SCYL3: variants seen among roughly 807,000 people sequenced by gnomAD.
SCYL3 encodes the protein SCY1 like pseudokinase 3.
In SCYL3, 35 loss-of-function variants were observed where a neutral mutation model predicts 73.8. The ratio of observed to expected loss-of-function variants is 0.47; its 90% CI spans 0.36 to 0.63. SCYL3 has a LOEUF of 0.63. Ranked by LOEUF, SCYL3 falls within the 20% of genes least tolerant of loss-of-function variation. The pLI is 0.00. For synonymous variants in SCYL3, 277 were observed against 295.2 expected, an observed-to-expected ratio of 0.94 and a Z score of 0.63; for missense variants, 712 against 798.9, an observed-to-expected ratio of 0.89 and a Z score of 1.31.
chr1:169,861,899 T>TA (rs1327708162), intron 10 of SCYL3, among the ~76,000 whole-genome samples: 3 of 152,112 alleles, frequency 2.0e-5, no homozygotes, highest in Non-Finnish European at 4.4e-5. Context: ...AGAGGCCATG[T>TA]AAAGACAGAC....
chr1:169,886,219 G>C (rs1661679059), intron 2 of SCYL3, among the ~76,000 whole-genome samples: 1 of 152,064 alleles, frequency 6.6e-6, no homozygotes, highest in Admixed American at 6.6e-5. Context: ...GCTGAGGCAG[G>C]AGAATCACTT....
chr1:169,882,575 G>T (rs913962508), intron 2 of SCYL3, among the ~76,000 whole-genome samples: 7 of 152,226 alleles, frequency 4.6e-5, no homozygotes, highest in Admixed American at 3.3e-4. Context: ...CTGGGCTCCT[G>T]AGTCTGGTGG....
At chr1:169,872,886 AG>A (rs1388433443) in intron 5 of SCYL3, among the ~76,000 whole-genome samples, 9 of 152,174 alleles carry the variant, frequency 5.9e-5, no homozygotes, top group Non-Finnish European at 1.3e-4. Flanking sequence ...CATTGTATCT[AG>A]GAAGTAACTA....
At chr1:169,855,960 G>T in intron 11 of SCYL3, 1 of 1,607,840 alleles carries the variant, frequency 6.2e-7, no homozygotes, top group Non-Finnish European at 8.5e-7. Context: ...AGGAGAATCT[G>T]AAGGTAAATA....
intron 11 of SCYL3, chr1:169,855,930 T>C: frequency 6.2e-7 from 1 of 1,613,852 alleles, no homozygotes; most frequent in South Asian, 1.1e-5. Flanking sequence ...CTGACTGTGA[T>C]GGCTGCAGAC....
chr1:169,890,193 T>C (rs531731498), intron 1 of SCYL3, among the ~76,000 whole-genome samples: 2 of 152,350 alleles, frequency 1.3e-5, no homozygotes, highest in East Asian at 1.9e-4. Context: ...ATGCCACTTA[T>C]CGTGAGGAAC....
At chr1:169,874,930 G>A (rs1043753429) in intron 4 of SCYL3, among the ~76,000 whole-genome samples, 4 of 152,068 alleles carry the variant, frequency 2.6e-5, no homozygotes, top group Non-Finnish European at 5.9e-5. Flanking sequence ...CCGTTTCCCA[G>A]CACTCCCCAG....
chr1:169,877,440 G>A (rs1258927252), intron 3 of SCYL3, among the ~76,000 whole-genome samples: 3 of 152,202 alleles, frequency 2.0e-5, no homozygotes, highest in Non-Finnish European at 4.4e-5. Context: ...TTACAGGTGT[G>A]AGCCACTGCG....
Position 169,866,214 on chromosome 1 carries a change from T to G in SCYL3, c.815+682A>C, listed in dbSNP as rs191647193. ...TGATAATCACTAAGGCTTCTCAGCT[T>G]TATCTTTTTAAATGTTTATCTTAGT... On this transcript the variant is annotated intron_variant, in intron 8 of 12. Transcript: ENST00000367771. Among the ~76,000 whole-genome samples, 9 of 152,334 alleles carry G rather than the reference T, an allele frequency of 5.9e-5. No homozygotes were observed. In the East Asian group the frequency reaches 1.7e-3, roughly 29 times the overall value.
Position 169,853,511 on chromosome 1 carries a change from C to T in SCYL3, c.*202G>A. On this transcript the variant is annotated 3_prime_UTR_variant, in exon 13 of 13. Coordinates refer to ENST00000367771, the MANE Select transcript of SCYL3 (RefSeq NM_020423.7). ...AGGCTCTTCCTCCTGGAAACCAGTA[C>T]TGTGAGCCTCACCACCCAGGGCTTT... The T allele has an allele frequency of 1.8e-6, 1 of 567,636 alleles. No individual in the cohort carries two copies. Among genetic ancestry groups the T allele is most frequent in the South Asian group, 2.5e-5 (1 of 40,260 alleles). 35.2% of individuals were successfully genotyped at this position (567,636 alleles called of 1,614,324 possible).
upstream of SCYL3, chr1:169,894,009 G>A (rs910554856): frequency 7.2e-5 from 11 of 152,340 alleles, no homozygotes; most frequent in African/African-American, 2.7e-4. Context: ...CAACTAACCA[G>A]GAACCGAGGT....
chr1:169,872,539 GAGA>G (rs1336702366), intron 5 of SCYL3, among the ~76,000 whole-genome samples: 1 of 152,208 alleles, frequency 6.6e-6, no homozygotes, highest in Non-Finnish European at 1.5e-5. Flanking sequence ...ATGGAGCTGT[GAGA>G]AGGAGGCCAG....
At chr1:169,887,196 A>C (rs939712169) in intron 2 of SCYL3, among the ~76,000 whole-genome samples, 48 of 152,226 alleles carry the variant, frequency 3.2e-4, no homozygotes, top group African/African-American at 1.1e-3. Context: ...GCTTAACAAG[A>C]GACAAAGATG....
intron 7 of SCYL3, among the ~76,000 whole-genome samples, chr1:169,867,769 T>TC (rs1376899882): frequency 6.6e-6 from 1 of 152,226 alleles, no homozygotes; most frequent in Non-Finnish European, 1.5e-5. Context: ...CTGGGGTTTC[T>TC]CCCCACATTA....
rs1323524738 is a variant in SCYL3, at chr1:169,859,107, C to T, written c.1246G>A (p.Glu416Lys). 1 of 1,613,890 alleles carries T rather than the reference C, an allele frequency of 6.2e-7. No individual in the cohort carries two copies. The highest frequency in any genetic ancestry group is 8.5e-7 in the Non-Finnish European group (1 of 1,179,984). The change falls in exon 11 of 13, where the codon GAA becomes AAA. Residue 416 changes from glutamate to lysine, a missense_variant. By Grantham distance (56) the Glu-to-Lys change is moderately conservative. Coordinates refer to ENST00000367771, the MANE Select transcript of SCYL3 (RefSeq NM_020423.7). ...LLGPEVVVGG[E>K]RTKIFKRTAP... Reference sequence around the variant, plus strand: ...GTGCGTTTGAAGATCTTGGTTCGTTCTCCTCCCACAACCACCTCTGGTCCA... The same window carrying T: ...GTGCGTTTGAAGATCTTGGTTCGTTTTCCTCCCACAACCACCTCTGGTCCA...
At chr1:169,865,516 A>T (rs1373612987) in intron 8 of SCYL3, among the ~76,000 whole-genome samples, 1 of 151,874 alleles carries the variant, frequency 6.6e-6, no homozygotes, top group Non-Finnish European at 1.5e-5. Context: ...CATCTCCCCA[A>T]CTTGATTGCA....
chr1:169,873,896 T>C, intron 4 of SCYL3, 144 bp from the exon 5 acceptor site: 1 of 592,604 alleles, frequency 1.7e-6, no homozygotes, highest in Non-Finnish European at 3.0e-6. Context: ...ATGCACAAAT[T>C]TAAAATGCTT....
At chr1:169,864,905 G>A (rs977860731) in intron 8 of SCYL3, among the ~76,000 whole-genome samples, 3 of 151,688 alleles carry the variant, frequency 2.0e-5, no homozygotes, top group Non-Finnish European at 4.4e-5. Flanking sequence ...GGGAGGCAGA[G>A]GTTGCAGTGA....
In SCYL3 at chr1:169,861,692, G is replaced by C. The variant is rs113649107; in HGVS notation, c.1140+921C>G. On this transcript the variant is annotated intron_variant, in intron 10 of 12. Coordinates refer to ENST00000367771, the MANE Select transcript of SCYL3 (RefSeq NM_020423.7). ...CACTTATGAGCTCCTTGAAAGCAGA[G>C]AGAATGTTAATCTATCTCATAGGAA... 9.8e-3 allele frequency among the ~76,000 whole-genome samples: 1,487 copies of C among 152,334 alleles called. 12 individuals carry two copies. Among genetic ancestry groups the C allele is most frequent in the Non-Finnish European group, 0.017 (1,171 of 68,024 alleles).
Sources: gnomAD v4.1 joint callset for allele counts (sites outside exome capture counted in the v4.1 genomes callset) on GRCh38, gnomAD v4.1.1 for gene constraint, MANE v1.5 for transcripts, NCBI Gene and HGNC (gene_info 2026-07-23, HGNC 2026-07-21) for gene names.